The following RTN4RL2 variants were observed in gnomAD, a reference collection of about 807,000 sequenced individuals.
RTN4RL2 encodes reticulon 4 receptor like 2.
In RTN4RL2, 9 loss-of-function variants were observed where a neutral mutation model predicts 27.8. The observed-to-expected ratio is 0.32, with a 90% CI of 0.20 to 0.57. The LOEUF is 0.57. Ranked by LOEUF, RTN4RL2 falls within the 20% of genes least tolerant of loss-of-function variation. The pLI, the probability that RTN4RL2 is intolerant of heterozygous loss-of-function variation, is 0.90. For missense variants in RTN4RL2, 436 were observed against 596.8 expected (o/e 0.73, Z 2.81); for synonymous variants, 285 against 297.9 (o/e 0.96, Z 0.45).
chr11:57,476,890 C>A lies in RTN4RL2; in HGVS notation c.1242C>A (p.Leu414=), dbSNP rs149633632. Residue 414 remains leucine, a synonymous_variant, in exon 3 of 3, where the codon CTC becomes CTA. Coordinates refer to ENST00000335099, the MANE Select transcript of RTN4RL2 (RefSeq NM_178570.3). The surrounding 1 kb of genome is among the most constrained non-coding windows in gnomAD (Gnocchi z 8.2). ...CCAGCCCTCTGCTTTGCCTCCTGCT[C>A]CTGGTGCCCCACCACCTCTGACTGC... ...GLPSPLLCLL[L]LVPHHL is the part of the protein sequence containing the mutation. 1.8e-5 allele frequency: 28 copies of A among 1,573,612 alleles called. No individual in the cohort carries two copies. The South Asian group carries it at 2.7e-4, about 15-fold the overall frequency.
intron 1 of RTN4RL2, among the ~76,000 whole-genome samples, chr11:57,461,218 C>G (rs1416683686): frequency 1.3e-5 from 2 of 152,056 alleles, no homozygotes; most frequent in Admixed American, 1.3e-4. Context: ...GGACTCGGGC[C>G]GGCTGGGGAA....
chr11:57,473,842 T>C (rs991535321), intron 2 of RTN4RL2, among the ~76,000 whole-genome samples: 11 of 152,026 alleles, frequency 7.2e-5, no homozygotes, highest in Non-Finnish European at 1.2e-4. Flanking sequence ...CAAGAAATTC[T>C]GTGGGCCAAA....
intron 1 of RTN4RL2, among the ~76,000 whole-genome samples, chr11:57,464,970 C>T (rs1943510799): frequency 6.6e-6 from 1 of 152,204 alleles, no homozygotes; most frequent in Admixed American, 6.5e-5. Context: ...CTGAGTATTA[C>T]ATCACACCCA....
intron 1 of RTN4RL2, among the ~76,000 whole-genome samples, chr11:57,463,612 T>C (rs1943499866): frequency 6.6e-6 from 1 of 151,956 alleles, no homozygotes; most frequent in African/African-American, 2.4e-5. Flanking sequence ...CCAGCTCTGA[T>C]ACTCTGTGCA....
intron 2 of RTN4RL2, among the ~76,000 whole-genome samples, chr11:57,474,258 G>T (rs765039859): frequency 6.6e-6 from 1 of 152,062 alleles, no homozygotes; most frequent in Non-Finnish European, 1.5e-5. Flanking sequence ...TGAGGGGGAC[G>T]GATCTCAATG....
At chr11:57,461,648 G>A (rs946508411) in intron 1 of RTN4RL2, among the ~76,000 whole-genome samples, 2 of 151,922 alleles carry the variant, frequency 1.3e-5, no homozygotes, top group African/African-American at 4.8e-5. Flanking sequence ...GGGGAGGGAT[G>A]GGAAGAAGAC....
chr11:57,476,181 T>C lies in RTN4RL2; in HGVS notation c.533T>C (p.Leu178Pro). ...ACCCAGGATGACTTGTTCGCGGACC[T>C]GGCCAACCTGAGCCACCTCTTCCTC... ...LHLQDDLFAD[L>P]ANLSHLFLHG... Residue 178 changes from leucine (L) to proline (P), a missense_variant, in exon 3 of 3, where the codon CTG becomes CCG. Leu to Pro is a moderately conservative substitution (Grantham distance 98). Coordinates refer to ENST00000335099, the MANE Select transcript of RTN4RL2 (RefSeq NM_178570.3). The surrounding 1 kb of genome is among the most constrained non-coding windows in gnomAD (Gnocchi z 8.2). 1 of 1,608,270 alleles carries C rather than the reference T, an allele frequency of 6.2e-7. No individual in the cohort carries two copies. Among genetic ancestry groups the C allele is most frequent in the Non-Finnish European group, 8.5e-7 (1 of 1,176,958 alleles).
rs769802762 is a variant in RTN4RL2, at chr11:57,476,701, G to T, written c.1053G>T (p.Leu351=). The T allele has an allele frequency of 2.8e-6, 4 of 1,440,974 alleles. No individual in the cohort carries two copies. In the East Asian group the frequency reaches 1.1e-4, roughly 40 times the overall value. The allele number at this position is 1,440,974 out of a possible 1,614,324, so 89.3% of individuals were successfully genotyped here. A position where few individuals can be genotyped will look rare whatever the true frequency, so the allele number is the denominator to read the frequency against. ...ATCCCTCCACCCTCTACCGAGATCTGCCTGCCGAAGACTCGCGGGGGCGCC... is the reference window on the plus strand; with the variant it reads ...ATCCCTCCACCCTCTACCGAGATCTTCCTGCCGAAGACTCGCGGGGGCGCC... ...PADPSTLYRD[L]PAEDSRGRQG... The change falls in exon 3 of 3, where the codon CTG becomes CTT. Residue 351 remains leucine (L), a synonymous_variant. Transcript: ENST00000335099. The surrounding 1 kb of genome is among the most constrained non-coding windows in gnomAD (Gnocchi z 8.2).
intron 2 of RTN4RL2, among the ~76,000 whole-genome samples, chr11:57,471,206 A>C (rs1008741281): frequency 6.7e-6 from 1 of 150,008 alleles, no homozygotes; most frequent in Admixed American, 6.7e-5. Flanking sequence ...ACTATACTCC[A>C]GCCTGGGTGA....
At chr11:57,464,625 G>T (rs983236853) in intron 1 of RTN4RL2, among the ~76,000 whole-genome samples, 3 of 152,152 alleles carry the variant, frequency 2.0e-5, no homozygotes, top group African/African-American at 7.2e-5. Flanking sequence ...TGTGACCTTG[G>T]GTAAGTCGCT....
chr11:57,461,904 G>A (rs1943488033), intron 1 of RTN4RL2, among the ~76,000 whole-genome samples: 1 of 151,982 alleles, frequency 6.6e-6, no homozygotes, highest in South Asian at 2.1e-4. Context: ...GAGGGACTGG[G>A]GATTGGGGGT....
chr11:57,468,253 T>G lies in RTN4RL2; in HGVS notation c.513+163T>G, dbSNP rs537150986. 2.0e-5 allele frequency among the ~76,000 whole-genome samples: 3 copies of G among 152,162 alleles called. No homozygotes were observed. In the East Asian group the frequency reaches 5.8e-4, roughly 29 times the overall value. On this transcript the variant is annotated intron_variant, in intron 2 of 2. Transcript: ENST00000335099. The stretch of plus-strand genomic sequence containing the variant: ...GTCTATGTCTCTTTTCTCTCTTACA[T>G]TCTCCAGGGGCTTTACTTTTTCCCT...
At position 57,460,760 on chromosome 11, in the gene RTN4RL2, G is replaced by A; in HGVS notation, c.-106G>A. ...CGGCCACGCAGCCCGGGGACTCCCG[G>A]GCCCTCCCGGAGCCCCGCGGGGTCC... On this transcript the variant is annotated 5_prime_UTR_variant, in exon 1 of 3. Transcript: ENST00000335099. 2.0e-6 allele frequency: 1 copy of A among 510,212 alleles called. No individual in the cohort carries two copies. The highest frequency in any genetic ancestry group is 3.3e-6 in the Non-Finnish European group (1 of 302,472). 31.6% of individuals were successfully genotyped at this position (510,212 alleles called of 1,614,324 possible).
intron 1 of RTN4RL2, among the ~76,000 whole-genome samples, chr11:57,461,532 A>AGGGGGG (rs1943485497): frequency 6.9e-6 from 1 of 144,560 alleles, no homozygotes; most frequent in African/African-American, 2.8e-5. Flanking sequence ...AGGGAGATGG[A>AGGGGGG]GCGGGGGAGG....
At chr11:57,464,726 T>C (rs1943509171) in intron 1 of RTN4RL2, among the ~76,000 whole-genome samples, 1 of 152,036 alleles carries the variant, frequency 6.6e-6, no homozygotes, top group Non-Finnish European at 1.5e-5. Flanking sequence ...AAATCTCCAG[T>C]TCTAAGCCCC....
intron 2 of RTN4RL2, among the ~76,000 whole-genome samples, chr11:57,474,510 GGT>G (rs1209111195): frequency 6.6e-6 from 1 of 152,164 alleles, no homozygotes; most frequent in Non-Finnish European, 1.5e-5. Context: ...AGGCCCCCTG[GGT>G]GAACTGGCCT....
At chr11:57,461,871 G>A (rs1374912012) in intron 1 of RTN4RL2, among the ~76,000 whole-genome samples, 2 of 152,006 alleles carry the variant, frequency 1.3e-5, no homozygotes, top group Non-Finnish European at 2.9e-5. Context: ...GGGAAGAGGA[G>A]GAGGAAGAGA....
chr11:57,466,981 C>T lies in RTN4RL2; in HGVS notation c.32-628C>T, dbSNP rs970512101. Reference sequence around the variant, plus strand: ...GAGGCAGAGAAACCCTGACGTTAGTCTTTTGACATTAATCTCTAGACAAGG... The same window carrying T: ...GAGGCAGAGAAACCCTGACGTTAGTTTTTTGACATTAATCTCTAGACAAGG... On this transcript the variant is annotated intron_variant, in intron 1 of 2. Transcript: ENST00000335099. Among the ~76,000 whole-genome samples the T allele has an allele frequency of 2.6e-5, 4 of 152,230 alleles. No homozygotes were observed. In the South Asian group the frequency reaches 6.2e-4, roughly 24 times the overall value.
chr11:57,466,195 C>T (rs1187470051), intron 1 of RTN4RL2, among the ~76,000 whole-genome samples: 5 of 151,774 alleles, frequency 3.3e-5, no homozygotes, highest in South Asian at 4.2e-4. Context: ...TTAGTAGAGA[C>T]GGGGTTTCAC....
Sources: gnomAD v4.1 joint callset for allele counts (sites outside exome capture counted in the v4.1 genomes callset) on GRCh38, gnomAD v4.1.1 for gene constraint, Gnocchi (gnomAD v3.1) non-coding constraint, MANE v1.5 for transcripts, NCBI Gene and HGNC (gene_info 2026-07-23, HGNC 2026-07-21) for gene names.